FRMD4A: variants seen among roughly 807,000 people sequenced by gnomAD.
FRMD4A encodes the protein FERM domain containing 4A.
FRMD4A carries 29 observed loss-of-function variants against 129.1 expected under a neutral mutation model. That is an observed-to-expected ratio of 0.22 (90% CI 0.17 to 0.31). The LOEUF is 0.31. Among genes scored for constraint, FRMD4A ranks in the 10% least tolerant of loss-of-function variants. FRMD4A has a pLI of 1.00. For missense variants in FRMD4A, 1,272 were observed against 1,375.8 expected (o/e 0.92, Z 1.19); for synonymous variants, 634 against 571.6 (o/e 1.11, Z -1.56).
At chr10:14,294,704 AG>A (rs1845954714) in intron 2 of FRMD4A, among the ~76,000 whole-genome samples, 1 of 152,226 alleles carries the variant, frequency 6.6e-6, no homozygotes, top group South Asian at 2.1e-4. Context: ...TGGCATAGAA[AG>A]GTCACTAAAG....
At chr10:14,146,790 C>T (rs1489940587) in intron 2 of FRMD4A, among the ~76,000 whole-genome samples, 1 of 152,156 alleles carries the variant, frequency 6.6e-6, no homozygotes, top group Non-Finnish European at 1.5e-5. Context: ...GTACCTTTGT[C>T]TCACCAAGAG....
chr10:14,127,908 T>TGC (rs1433456301), intron 2 of FRMD4A, among the ~76,000 whole-genome samples: 9 of 1,708 alleles, frequency 5.3e-3, no homozygotes, highest in African/African-American at 0.023. Context: ...ATATTTTGCT[T>TGC]TCTTTCTTTC....
chr10:14,251,129 C>T (rs1426680154), intron 2 of FRMD4A, among the ~76,000 whole-genome samples: 2 of 152,146 alleles, frequency 1.3e-5, no homozygotes, highest in African/African-American at 4.8e-5. Flanking sequence ...GGTAGTTACT[C>T]CCAGTTTAAC....
intron 4 of FRMD4A, among the ~76,000 whole-genome samples, chr10:13,797,649 C>A (rs1475305995): frequency 6.6e-6 from 1 of 152,180 alleles, no homozygotes; most frequent in Admixed American, 6.5e-5. Context: ...GCCCATCATC[C>A]TGGAGAAGAC....
intron 2 of FRMD4A, among the ~76,000 whole-genome samples, chr10:14,030,397 T>C (rs1484945042): frequency 1.3e-5 from 2 of 152,220 alleles, no homozygotes; most frequent in Non-Finnish European, 2.9e-5. Flanking sequence ...ACACCTTAAA[T>C]ACATACAATT....
intron 13 of FRMD4A, among the ~76,000 whole-genome samples, chr10:13,706,100 T>C (rs551943121): frequency 1.1e-3 from 164 of 152,296 alleles, no homozygotes; most frequent in African/African-American, 3.9e-3. Context: ...CTGGAATTGG[T>C]GCCAAGTCCT....
intron 2 of FRMD4A, chr10:14,008,107 A>G (rs766913631): frequency 1.5e-6 from 2 of 1,301,902 alleles, no homozygotes; most frequent in Non-Finnish European, 2.0e-6. Flanking sequence ...ATTTTCAGTA[A>G]AAGTCTTTGG....
Position 14,330,851 on chromosome 10 carries a change from A to G in FRMD4A, c.-336T>C. ...GGTAGGGCTAACATACTTAAGAGGAACATGGAATTGCACTGCCTGTTCTGT... is the reference window on the plus strand; with the variant it reads ...GGTAGGGCTAACATACTTAAGAGGAGCATGGAATTGCACTGCCTGTTCTGT... On this transcript the variant is annotated 5_prime_UTR_variant, in exon 1 of 25. Coordinates refer to ENST00000357447, the MANE Select transcript of FRMD4A (RefSeq NM_018027.5). The G allele has an allele frequency of 2.5e-6, 1 of 398,710 alleles. No homozygotes were observed. The highest frequency in any genetic ancestry group is 4.4e-6 in the Non-Finnish European group (1 of 226,174). The allele number at this position is 398,710 out of a possible 1,614,324, so 24.7% of individuals were successfully genotyped here. A position where few individuals can be genotyped will look rare whatever the true frequency, so the allele number is the denominator to read the frequency against.
intron 2 of FRMD4A, among the ~76,000 whole-genome samples, chr10:14,292,954 G>A (rs900193194): frequency 6.6e-6 from 1 of 152,152 alleles, no homozygotes; most frequent in Non-Finnish European, 1.5e-5. Context: ...AAGGTATTAA[G>A]AAGAGTGAAT....
intron 12 of FRMD4A, among the ~76,000 whole-genome samples, chr10:13,731,559 G>T (rs537308694): frequency 6.7e-6 from 1 of 148,196 alleles, no homozygotes; most frequent in African/African-American, 2.5e-5. Context: ...TGAGGCAGAA[G>T]AATTGCTTGA....
rs59076377 is a variant in FRMD4A, at chr10:13,707,383, G to C, written c.760-270C>G. ...AGTTCTTTTCAAGTTCTCCGCCTTC[G>C]GTCGGCCTTTGTTGGTTTGGTCGTG... On this transcript the variant is annotated intron_variant, in intron 12 of 24. Coordinates refer to ENST00000357447, the MANE Select transcript of FRMD4A (RefSeq NM_018027.5). 1.0e-3 allele frequency: 1,171 copies of C among 1,135,374 alleles called. 12 individuals are homozygous for C. In the African/African-American group the frequency reaches 0.015, roughly 15 times the overall value. 70.3% of individuals were successfully genotyped at this position (1,135,374 alleles called of 1,614,324 possible).
chr10:13,704,723 T>G (rs935937078), intron 13 of FRMD4A, among the ~76,000 whole-genome samples: 11 of 152,330 alleles, frequency 7.2e-5, no homozygotes, highest in Admixed American at 6.5e-4. Context: ...GTATACTAGC[T>G]ACTTGTCGTC....
chr10:14,094,260 T>C (rs1588960820), intron 2 of FRMD4A, among the ~76,000 whole-genome samples: 2 of 152,322 alleles, frequency 1.3e-5, no homozygotes, highest in Middle Eastern at 6.8e-3. Flanking sequence ...CCTGGGCAGA[T>C]GTTAAGGGCT....
intron 12 of FRMD4A, among the ~76,000 whole-genome samples, chr10:13,717,891 CA>C: frequency 6.6e-6 from 1 of 152,098 alleles, no homozygotes; most frequent in South Asian, 2.1e-4. Context: ...GAAATACAGG[CA>C]TACACTCACA....
intron 2 of FRMD4A, among the ~76,000 whole-genome samples, chr10:13,955,601 A>G (rs2095405861): frequency 6.6e-6 from 1 of 152,174 alleles, no homozygotes; most frequent in East Asian, 1.9e-4. Flanking sequence ...CTAGAAACCA[A>G]CCCTTGAAGT....
intron 2 of FRMD4A, among the ~76,000 whole-genome samples, chr10:14,322,312 G>A (rs946155629): frequency 1.3e-5 from 2 of 152,102 alleles, no homozygotes; most frequent in East Asian, 1.9e-4. Flanking sequence ...CTAATCCCAG[G>A]ATAACAAGCA....
intron 2 of FRMD4A, among the ~76,000 whole-genome samples, chr10:13,957,113 G>A (rs1348440376): frequency 6.6e-6 from 1 of 152,204 alleles, no homozygotes; most frequent in Admixed American, 6.5e-5. Context: ...AGATCAGCCC[G>A]CCTTCTAGTG....
rs184133695 is a variant in FRMD4A at position 13,659,135 on chromosome 10, C to T, written c.2066+188G>A. On this transcript the variant is annotated intron_variant, in intron 21 of 24. Transcript: ENST00000357447. Reference sequence around the variant, plus strand: ...GGGATTCTTTGGCTGACTCCAAGTGCCCTGTGCATGGGTCTCTTGGCTAAC... The same window carrying T: ...GGGATTCTTTGGCTGACTCCAAGTGTCCTGTGCATGGGTCTCTTGGCTAAC... 4.2e-3 allele frequency among the ~76,000 whole-genome samples: 633 copies of T among 152,308 alleles called. 3 individuals carry two copies. Among genetic ancestry groups the T allele is most frequent in the Non-Finnish European group, 6.8e-3 (460 of 68,014 alleles).
At chr10:13,893,395 C>A (rs754508334) in intron 2 of FRMD4A, among the ~76,000 whole-genome samples, 5 of 152,112 alleles carry the variant, frequency 3.3e-5, no homozygotes, top group Non-Finnish European at 5.9e-5. Context: ...CAATTGGAGC[C>A]CATCTCCTTG....
Sources: allele counts gnomAD v4.1 joint callset (sites outside exome capture counted in the v4.1 genomes callset), GRCh38; gene constraint gnomAD v4.1.1; transcripts MANE v1.5; gene names NCBI Gene and HGNC (gene_info 2026-07-23, HGNC 2026-07-21).